The following GRM7 variants were observed in gnomAD, a reference collection of about 807,000 sequenced individuals.
GRM7 encodes the protein metabotropic glutamate receptor 7.
Under a neutral mutation model 84.5 loss-of-function variants are expected in GRM7, and 35 were observed. The ratio of observed to expected loss-of-function variants is 0.41; its 90% confidence interval spans 0.32 to 0.55. The LOEUF is 0.55. Among genes scored for constraint, GRM7 ranks in the 20% least tolerant of loss-of-function variants. The pLI is 0.19. For synonymous variants in GRM7, 487 were observed against 455.1 expected, an observed-to-expected ratio of 1.07 and a Z score of -0.89; for missense variants, 1,003 against 1,194.6, an observed-to-expected ratio of 0.84 and a Z score of 2.36.
At chr3:7,130,397 G>T (rs1693551886) in intron 1 of GRM7, among the ~76,000 whole-genome samples, 1 of 151,972 alleles carries the variant, frequency 6.6e-6, no homozygotes, top group Non-Finnish European at 1.5e-5. Flanking sequence ...CAGAAAATTA[G>T]CCAGGTGTGG....
At chr3:7,502,274 C>A (rs1291773204) in intron 7 of GRM7, among the ~76,000 whole-genome samples, 1 of 152,160 alleles carries the variant, frequency 6.6e-6, no homozygotes, top group Non-Finnish European at 1.5e-5. Context: ...GTTCCCTCAA[C>A]ATTATGTTCA....
At chr3:7,072,345 A>G (rs529727009) in intron 1 of GRM7, among the ~76,000 whole-genome samples, 1 of 152,108 alleles carries the variant, frequency 6.6e-6, no homozygotes, top group Non-Finnish European at 1.5e-5. Context: ...TTAGTAAGTT[A>G]TTGTCAGTAT....
At chr3:7,617,884 C>G (rs1697175871) in intron 8 of GRM7, among the ~76,000 whole-genome samples, 1 of 152,058 alleles carries the variant, frequency 6.6e-6, no homozygotes, top group Admixed American at 6.6e-5. Flanking sequence ...CAATAAATAG[C>G]TCAGGACAAT....
chr3:7,070,627 G>A (rs1283592993), intron 1 of GRM7, among the ~76,000 whole-genome samples: 1 of 151,972 alleles, frequency 6.6e-6, no homozygotes, highest in Non-Finnish European at 1.5e-5. Flanking sequence ...GGGATATAAC[G>A]GATGTCAAGG....
chr3:7,183,143 A>G (rs111833603), intron 2 of GRM7, among the ~76,000 whole-genome samples: 4,246 of 152,246 alleles, frequency 0.028, 179 homozygotes, highest in African/African-American at 0.088. Flanking sequence ...CTAAGTAGGC[A>G]TATTTTTCAA....
At chr3:7,656,013 T>G (rs2125118672) in intron 8 of GRM7, among the ~76,000 whole-genome samples, 1 of 152,310 alleles carries the variant, frequency 6.6e-6, no homozygotes, top group South Asian at 2.1e-4. Flanking sequence ...AATGATGTTA[T>G]TTCAGGAGAT....
intron 1 of GRM7, among the ~76,000 whole-genome samples, chr3:6,868,895 C>G (rs1396147008): frequency 1.3e-5 from 2 of 152,102 alleles, no homozygotes; most frequent in African/African-American, 4.8e-5. Flanking sequence ...TTGCAGAATT[C>G]TCCATCTTTG....
intron 5 of GRM7, among the ~76,000 whole-genome samples, chr3:7,434,685 A>G (rs973764679): frequency 6.6e-6 from 1 of 152,150 alleles, no homozygotes; most frequent in African/African-American, 2.4e-5. Flanking sequence ...GCTACATTTC[A>G]TTGGATAATA....
At chr3:7,675,672 C>G (rs2125136148) in intron 8 of GRM7, among the ~76,000 whole-genome samples, 1 of 152,262 alleles carries the variant, frequency 6.6e-6, no homozygotes, top group African/African-American at 2.4e-5. Flanking sequence ...TTCTATCTGA[C>G]TAGACATGAA....
At position 7,591,212 on chromosome 3, in the gene GRM7, G is replaced by A. The variant is rs1695765141; in HGVS notation, c.2451+11855G>A. ...TTGCGCAGACAAAGCTAATAGTCAA[G>A]GATGACCAACCACTGTTAAACATAA... On this transcript the variant is annotated intron_variant, in intron 8 of 9. Coordinates refer to ENST00000357716, the MANE Select transcript of GRM7 (RefSeq NM_000844.4). Among the ~76,000 whole-genome samples the A allele has an allele frequency of 2.0e-5, 3 of 152,196 alleles. No homozygotes were observed. The South Asian group carries it at 6.2e-4, about 32-fold the overall frequency.
intron 2 of GRM7, among the ~76,000 whole-genome samples, chr3:7,255,857 C>G (rs6443097): frequency 0.032 from 4,933 of 152,300 alleles, 255 homozygotes; most frequent in African/African-American, 0.11. Context: ...GAGTTTCTGT[C>G]TATCTACTCT....
At chr3:7,616,348 T>G (rs1378843090) in intron 8 of GRM7, among the ~76,000 whole-genome samples, 1 of 152,194 alleles carries the variant, frequency 6.6e-6, no homozygotes. Context: ...CTATGCTTCG[T>G]GTGCTTCCTA....
At chr3:7,647,544 C>T (rs1250389411) in intron 8 of GRM7, among the ~76,000 whole-genome samples, 1 of 151,984 alleles carries the variant, frequency 6.6e-6, no homozygotes, top group Non-Finnish European at 1.5e-5. Context: ...AAGGCAAATA[C>T]AATAGAAAGC....
At chr3:7,434,725 A>G (rs1696972274) in intron 5 of GRM7, among the ~76,000 whole-genome samples, 3 of 152,104 alleles carry the variant, frequency 2.0e-5, no homozygotes, top group Non-Finnish European at 4.4e-5. Flanking sequence ...ACCTATTTTT[A>G]ATCATGAGTA....
intron 4 of GRM7, among the ~76,000 whole-genome samples, chr3:7,400,506 T>C (rs950271158): frequency 6.6e-6 from 1 of 152,146 alleles, no homozygotes; most frequent in African/African-American, 2.4e-5. Context: ...ACACCCATTG[T>C]AGTCAAATCA....
At position 6,901,604 on chromosome 3, in the gene GRM7, TAAAAAAAAAAAAAAAAAAAA is replaced by T. The variant is rs33945077; in HGVS notation, c.519+39711_519+39730del. ...CCTGGTGACAGAGCAAGACTCCGTC[TAAAAAAAAAAAAAAAAAAAA>T]AAAAAAAAAAAAATATGTAGAATAA... On this transcript the variant is annotated intron_variant, in intron 1 of 9. Coordinates refer to ENST00000357716, the MANE Select transcript of GRM7 (RefSeq NM_000844.4). Among the ~76,000 whole-genome samples the T allele has an allele frequency of 9.9e-5, 4 of 40,494 alleles. No individual in the cohort carries two copies. The South Asian group carries it at 4.3e-3, about 43-fold the overall frequency. 26.6% of individuals were successfully genotyped at this position (40,494 alleles called of 152,430 possible).
chr3:7,432,100 A>G (rs1322886358), intron 5 of GRM7, among the ~76,000 whole-genome samples: 1 of 152,140 alleles, frequency 6.6e-6, no homozygotes, highest in African/African-American at 2.4e-5. Flanking sequence ...GCTTTGGGAG[A>G]AATAAAGTAG....
intron 2 of GRM7, among the ~76,000 whole-genome samples, chr3:7,286,364 T>C (rs1009375036): frequency 6.6e-6 from 1 of 152,180 alleles, no homozygotes; most frequent in Non-Finnish European, 1.5e-5. Context: ...GGAGAGAAAT[T>C]ATATGATATC....
At chr3:7,335,943 T>C (rs188064886) in intron 4 of GRM7, among the ~76,000 whole-genome samples, 93 of 152,088 alleles carry the variant, frequency 6.1e-4, no homozygotes, top group Admixed American at 1.8e-3. Context: ...TAGGACCAGA[T>C]GGATTCACAG....
Sources: gnomAD v4.1 joint callset for allele counts (sites outside exome capture counted in the v4.1 genomes callset) on GRCh38, gnomAD v4.1.1 for gene constraint, MANE v1.5 for transcripts, NCBI Gene and HGNC (gene_info 2026-07-23, HGNC 2026-07-21) for gene names.